ALPK3: variants seen among roughly 807,000 people sequenced by gnomAD.
ALPK3 encodes alpha-protein kinase 3.
In ALPK3, 102 loss-of-function variants were observed where a neutral mutation model predicts 140.0. The observed-to-expected ratio is 0.73, with a 90% CI of 0.62 to 0.86. The LOEUF is 0.86. Among genes scored for constraint, ALPK3 ranks in the 40% least tolerant of loss-of-function variants. ALPK3 has a pLI of 0.00. For synonymous variants in ALPK3, 938 were observed against 898.5 expected (o/e 1.04, Z -0.79); for missense variants, 2,254 against 2,208.2 (o/e 1.02, Z -0.42).
intron 5 of ALPK3, among the ~76,000 whole-genome samples, chr15:84,851,996 C>G (rs900844663): frequency 1.3e-5 from 2 of 152,168 alleles, no homozygotes; most frequent in Non-Finnish European, 2.9e-5. Context: ...CAGCAGTCCC[C>G]CTTATCCACA....
rs774084724 is a variant in ALPK3, at chr15:84,840,454, C to T, written c.1175C>T (p.Ala392Val). 2 of 1,613,820 alleles carry T rather than the reference C, an allele frequency of 1.2e-6. No individual in the cohort carries two copies. The highest frequency in any genetic ancestry group is 1.7e-6 in the Non-Finnish European group (2 of 1,179,896). The change falls in exon 5 of 14, where the codon GCT (alanine) becomes GTT (valine). Residue 392 changes from alanine to valine, a missense_variant. Physicochemically the swap from Ala to Val is moderately conservative, Grantham distance 64. Transcript: ENST00000258888. The stretch of plus-strand genomic sequence containing the variant: ...GATAGTACCAGGAAGCCAGCCTCTG[C>T]TGTGGGCACTCCAGACAAGGCCCAG... ...GTDSTRKPAS[A>V]VGTPDKAQKA...
chr15:84,852,302 C>T (rs370343857), intron 5 of ALPK3, among the ~76,000 whole-genome samples: 7 of 152,096 alleles, frequency 4.6e-5, no homozygotes, highest in African/African-American at 1.7e-4. Flanking sequence ...TAATGGGTAA[C>T]GGGCAACCTA....
chr15:84,833,071 C>G (rs910457040), intron 3 of ALPK3, among the ~76,000 whole-genome samples: 1 of 152,184 alleles, frequency 6.6e-6, no homozygotes, highest in Non-Finnish European at 1.5e-5. Context: ...TCATGATGAC[C>G]AGGCAGGGCT....
chr15:84,839,886 G>C lies in ALPK3; in HGVS notation c.607G>C (p.Glu203Gln), dbSNP rs765142581. 3.1e-6 allele frequency: 5 copies of C among 1,613,962 alleles called. No individual in the cohort carries two copies. Among genetic ancestry groups the C allele is most frequent in the East Asian group, 2.2e-5 (1 of 44,858 alleles). The change falls in exon 5 of 14, where the codon GAG becomes CAG. Residue 203 changes from glutamate (E) to glutamine (Q), a missense_variant. Around this residue, in one of 3 missense-constraint regions of ALPK3, gnomAD observed 2,088 missense variants for 2,022.9 expected, o/e 1.03. Coordinates refer to ENST00000258888, the MANE Select transcript of ALPK3 (RefSeq NM_020778.5). ...LREIEQSWKH[E>Q]KAVPGEVDTL... ...CGAGATCGAGCAGAGCTGGAAGCAC[G>C]AGAAGGCGGTGCCTGGGGAGGTCGA...
rs200384082 is a variant in ALPK3, at chr15:84,827,543, C to T, written c.242C>T (p.Thr81Ile). 5.6e-6 allele frequency: 9 copies of T among 1,614,226 alleles called. No homozygotes were observed. The highest frequency in any genetic ancestry group is 7.6e-6 in the Non-Finnish European group (9 of 1,180,036). The change falls in exon 3 of 14, where the codon ACC becomes ATC. Residue 81 changes from threonine to isoleucine, a missense_variant. This residue lies in a region of ALPK3 where 2,088 missense variants were observed against 2,022.9 expected (regional missense o/e 1.03). Transcript: ENST00000258888. ...GAGGAGACCCAGCCGCTATTTGAGACCACGCTCAAGTCCCGGTCTGTGTCC... is the reference window on the plus strand; with the variant it reads ...GAGGAGACCCAGCCGCTATTTGAGATCACGCTCAAGTCCCGGTCTGTGTCC... The part of the protein sequence containing the change: ...LTEETQPLFE[T>I]TLKSRSVSED...
intron 5 of ALPK3, among the ~76,000 whole-genome samples, chr15:84,854,032 A>G (rs1963834517): frequency 1.3e-5 from 2 of 152,164 alleles, no homozygotes; most frequent in Admixed American, 1.3e-4. Flanking sequence ...TGAAAAACAG[A>G]AAATTCCTAA....
intron 3 of ALPK3, among the ~76,000 whole-genome samples, chr15:84,835,847 T>C (rs150359288): frequency 6.6e-6 from 1 of 152,194 alleles, no homozygotes; most frequent in Non-Finnish European, 1.5e-5. Context: ...ATTGCTTCAT[T>C]TATTCATCTA....
chr15:84,823,223 G>A (rs1818307036), intron 1 of ALPK3, 107 bp from the exon 2 acceptor site: 1 of 1,302,730 alleles, frequency 7.7e-7, no homozygotes, highest in Middle Eastern at 1.9e-4. Flanking sequence ...TAATAGAAAG[G>A]CTTCTGGGCC....
chr15:84,859,844 G>A lies in ALPK3; in HGVS notation c.4034G>A (p.Arg1345Gln), dbSNP rs768456090. Residue 1345 changes from arginine (R) to glutamine (Q), a missense_variant, in exon 8 of 14, where the codon CGG becomes CAG. Physicochemically the swap from Arg to Gln is conservative, Grantham distance 43 (BLOSUM62 1). Coordinates refer to ENST00000258888, the MANE Select transcript of ALPK3 (RefSeq NM_020778.5). ...TCCCCCGTAGACTGCGGTGTGTATC[G>A]GTGCACCATCCACAATGAGCACGGC... ...QASPVDCGVY[R>Q]CTIHNEHGSA... 22 of 1,613,924 alleles carry A rather than the reference G, an allele frequency of 1.4e-5. No individual in the cohort carries two copies. Among genetic ancestry groups the A allele is most frequent in the Middle Eastern group, 3.3e-4 (2 of 6,084 alleles).
At chr15:84,822,991 G>A (rs1963444706) in intron 1 of ALPK3, among the ~76,000 whole-genome samples, 1 of 152,234 alleles carries the variant, frequency 6.6e-6, no homozygotes, top group South Asian at 2.1e-4. Flanking sequence ...CTGTGGGGTG[G>A]GGAAACATGC....
Position 84,858,561 on chromosome 15 carries a change from C to A in ALPK3, c.3817+6C>A. On this transcript the variant is annotated splice_donor_region_variant and intron_variant, in intron 6 of 13. Coordinates refer to ENST00000258888, the MANE Select transcript of ALPK3 (RefSeq NM_020778.5). ...AGCCAAAGACCTGCTGAAAGGTGAG[C>A]AGTGGGGAGGGAGAGGGATGGCTTC... 1 of 1,573,596 alleles carries A rather than the reference C, an allele frequency of 6.4e-7. No homozygotes were observed. The highest frequency in any genetic ancestry group is 1.2e-5 in the South Asian group (1 of 85,746).
intron 3 of ALPK3, among the ~76,000 whole-genome samples, chr15:84,832,929 G>A (rs1422048491): frequency 6.6e-6 from 1 of 152,168 alleles, no homozygotes; most frequent in Non-Finnish European, 1.5e-5. Context: ...TAAGAGCAAT[G>A]TGGAGATGTC....
Position 84,857,249 on chromosome 15 carries a change from G to A in ALPK3, c.2511G>A (p.Gln837=), listed in dbSNP as rs946677678. 3.7e-6 allele frequency: 6 copies of A among 1,614,090 alleles called. No individual in the cohort carries two copies. Among genetic ancestry groups the A allele is most frequent in the Non-Finnish European group, 5.1e-6 (6 of 1,179,978 alleles). The part of the protein sequence containing the change: ...VEAKQEDSPF[Q]CPKEERPGGV... The stretch of plus-strand genomic sequence containing the variant: ...CCAAGCAGGAGGACAGCCCGTTCCA[G>A]TGCCCCAAGGAGGAGCGGCCAGGGG... Residue 837 remains glutamine, a synonymous_variant, in exon 6 of 14, where the codon CAG becomes CAA. Coordinates refer to ENST00000258888, the MANE Select transcript of ALPK3 (RefSeq NM_020778.5).
intron 5 of ALPK3, among the ~76,000 whole-genome samples, chr15:84,846,095 C>G (rs534953253): frequency 6.6e-6 from 1 of 151,906 alleles, no homozygotes; most frequent in African/African-American, 2.4e-5. Flanking sequence ...AATAAAAAAA[C>G]CCCAAACAGC....
intron 9 of ALPK3, among the ~76,000 whole-genome samples, chr15:84,861,806 TC>T (rs1237113872): frequency 2.0e-5 from 3 of 152,036 alleles, no homozygotes; most frequent in African/African-American, 7.2e-5. Context: ...CCTACCGTTT[TC>T]CATAGGTGAC....
At chr15:84,817,662 C>T (rs1217332525) in intron 1 of ALPK3, 67 bp downstream of exon 1, 2 of 1,403,904 alleles carry the variant, frequency 1.4e-6, no homozygotes, top group Admixed American at 3.0e-5. Context: ...CCTGTGAGGG[C>T]GGCCTGGCCC....
chr15:84,867,173 G>A, intron 12 of ALPK3, 144 bp from the exon 13 acceptor site: 1 of 452,922 alleles, frequency 2.2e-6, no homozygotes, highest in Admixed American at 3.6e-5. Context: ...GGAAGTTGAT[G>A]CCAGCCTGGG....
At chr15:84,826,112 C>A (rs956916142) in intron 2 of ALPK3, among the ~76,000 whole-genome samples, 2 of 152,140 alleles carry the variant, frequency 1.3e-5, no homozygotes, top group Non-Finnish European at 2.9e-5. Flanking sequence ...CAGCAGGAAC[C>A]CCATCAGTTC....
chr15:84,838,977 C>G lies in ALPK3; in HGVS notation c.305-3C>G. ...GTAACCCAGTCTCCTGCTTCTTTCT[C>G]AGGATACCCAGAGCCAGAGGTGACC... On this transcript the variant is annotated splice_region_variant and splice_polypyrimidine_tract_variant and intron_variant, in intron 3 of 13. Transcript: ENST00000258888. 1 of 1,613,638 alleles carries G rather than the reference C, an allele frequency of 6.2e-7. No individual in the cohort carries two copies. The highest frequency in any genetic ancestry group is 8.5e-7 in the Non-Finnish European group (1 of 1,179,558).
Sources: allele counts gnomAD v4.1 joint callset (sites outside exome capture counted in the v4.1 genomes callset), GRCh38; gene constraint gnomAD v4.1.1; regional missense constraint gnomAD v4.1.1; transcripts MANE v1.5; gene names NCBI Gene and HGNC (gene_info 2026-07-23, HGNC 2026-07-21).